Variants in PPHLN1 observed in about 807,000 individuals in gnomAD.
PPHLN1 encodes periphilin 1.
In PPHLN1, 29 loss-of-function variants were observed where a neutral mutation model predicts 51.3. The observed-to-expected ratio is 0.57, with a 90% CI of 0.42 to 0.77. The LOEUF is 0.77. Ranked by LOEUF, PPHLN1 falls within the 30% of genes least tolerant of loss-of-function variation. PPHLN1 has a pLI of 0.00. For synonymous variants in PPHLN1, 147 were observed against 147.8 expected, an observed-to-expected ratio of 0.99 and a Z score of 0.04; for missense variants, 436 against 438.4, an observed-to-expected ratio of 0.99 and a Z score of 0.05.
intron 9 of PPHLN1, among the ~76,000 whole-genome samples, chr12:42,401,528 C>T (rs1422384672): frequency 6.6e-6 from 1 of 151,712 alleles, no homozygotes; most frequent in Admixed American, 6.6e-5. Context: ...GGAGGGAGGA[C>T]AGGGGAGTGA....
chr12:42,441,297 A>C lies in PPHLN1; in HGVS notation c.910-18A>C. The C allele has an allele frequency of 6.3e-7, 1 of 1,590,120 alleles. No individual in the cohort carries two copies. The highest frequency in any genetic ancestry group is 8.6e-7 in the Non-Finnish European group (1 of 1,166,116). ...TTATTTTCATTCTCAGCTAACCAGA[A>C]TGTGTTTTACCTTTTAGGTTTACCG... On this transcript the variant is annotated intron_variant, in intron 9 of 9. Coordinates refer to ENST00000358314, the MANE Select transcript of PPHLN1 (RefSeq NM_201439.2).
intron 4 of PPHLN1, among the ~76,000 whole-genome samples, chr12:42,359,824 T>C (rs577991048): frequency 1.5e-4 from 23 of 152,172 alleles, no homozygotes; most frequent in Admixed American, 5.2e-4. Flanking sequence ...ATTTGAAAAA[T>C]TGACCAGGTG....
chr12:42,329,349 C>T (rs565139666), intron 1 of PPHLN1, among the ~76,000 whole-genome samples: 1 of 152,188 alleles, frequency 6.6e-6, no homozygotes, highest in South Asian at 2.1e-4. Context: ...TCGTGATCCG[C>T]CCCCCTCGGC....
intron 9 of PPHLN1, among the ~76,000 whole-genome samples, chr12:42,421,067 G>A (rs1444562082): frequency 6.6e-6 from 1 of 152,012 alleles, no homozygotes; most frequent in Non-Finnish European, 1.5e-5. Flanking sequence ...GGATCAGTTG[G>A]TTAGGATGAT....
At chr12:42,401,576 G>A (rs1005734352) in intron 9 of PPHLN1, among the ~76,000 whole-genome samples, 1 of 151,894 alleles carries the variant, frequency 6.6e-6, no homozygotes. Context: ...TCAGATCAGT[G>A]GTGGCATTAG....
rs573483193 is a variant in PPHLN1, at chr12:42,368,073, C to A, written c.300-6790C>A. Among the ~76,000 whole-genome samples, 13 of 152,294 alleles carry A rather than the reference C, an allele frequency of 8.5e-5. No individual in the cohort carries two copies. The South Asian group carries it at 2.5e-3, about 29-fold the overall frequency. On this transcript the variant is annotated intron_variant, in intron 4 of 9. Coordinates refer to ENST00000358314, the MANE Select transcript of PPHLN1 (RefSeq NM_201439.2). ...ATTAAATATTAATATTTAAGACTGGCATTGATGTTGAAATTTTCTCTTTTA... is the reference window on the plus strand; with the variant it reads ...ATTAAATATTAATATTTAAGACTGGAATTGATGTTGAAATTTTCTCTTTTA...
intron 2 of PPHLN1, among the ~76,000 whole-genome samples, chr12:42,349,505 T>TA (rs2072885281): frequency 6.6e-6 from 1 of 152,150 alleles, no homozygotes; most frequent in Non-Finnish European, 1.5e-5. Flanking sequence ...GGTCAGCAGA[T>TA]AAACATGTGA....
At chr12:42,386,015 T>A (rs555966967) in intron 6 of PPHLN1, among the ~76,000 whole-genome samples, 1 of 152,342 alleles carries the variant, frequency 6.6e-6, no homozygotes, top group East Asian at 1.9e-4. Context: ...ACAAGAACTT[T>A]TAAAGTTGCT....
At chr12:42,333,280 G>T (rs1305618548) in intron 1 of PPHLN1, among the ~76,000 whole-genome samples, 2 of 152,016 alleles carry the variant, frequency 1.3e-5, no homozygotes, top group Non-Finnish European at 2.9e-5. Context: ...AAATGTAACT[G>T]ATTGGTTCAG....
At chr12:42,420,678 T>TCCCCC in intron 9 of PPHLN1, among the ~76,000 whole-genome samples, 1 of 16,088 alleles carries the variant, frequency 6.2e-5, no homozygotes, top group Admixed American at 6.4e-4. Context: ...CGCCCTCCCC[T>TCCCCC]CCCCTCCCCT....
At chr12:42,373,372 C>T (rs937422222) in intron 4 of PPHLN1, among the ~76,000 whole-genome samples, 3 of 152,158 alleles carry the variant, frequency 2.0e-5, no homozygotes, top group African/African-American at 7.2e-5. Context: ...TGAATTTAAG[C>T]TATTTTCTGC....
intron 9 of PPHLN1, among the ~76,000 whole-genome samples, chr12:42,434,730 G>T (rs755301290): frequency 3.5e-4 from 54 of 152,162 alleles, no homozygotes; most frequent in Admixed American, 3.3e-4. Flanking sequence ...GTCTTGCTCT[G>T]TCTCCTGGGC....
intron 1 of PPHLN1, among the ~76,000 whole-genome samples, chr12:42,331,149 C>T (rs1380633858): frequency 6.6e-5 from 10 of 152,194 alleles, no homozygotes; most frequent in Non-Finnish European, 1.3e-4. Context: ...CTATGTTCAT[C>T]TGAAGTTTGA....
intron 4 of PPHLN1, among the ~76,000 whole-genome samples, chr12:42,366,488 A>G (rs1218614759): frequency 3.9e-5 from 6 of 151,920 alleles, no homozygotes; most frequent in Non-Finnish European, 8.8e-5. Flanking sequence ...TCGGCTCCCA[A>G]AGTGCTGGGA....
intron 6 of PPHLN1, among the ~76,000 whole-genome samples, chr12:42,386,530 C>A (rs928829946): frequency 6.6e-6 from 1 of 152,168 alleles, no homozygotes; most frequent in Admixed American, 6.5e-5. Context: ...TCTGCTTTTG[C>A]TCTTGACTGC....
chr12:42,362,579 C>A (rs145355933), intron 4 of PPHLN1, among the ~76,000 whole-genome samples: 2 of 152,174 alleles, frequency 1.3e-5, no homozygotes, highest in African/African-American at 4.8e-5. Context: ...CCAAGGAGCA[C>A]GGGCCTTCTA....
intron 9 of PPHLN1, chr12:42,400,575 C>T (rs538015354): frequency 1.5e-4 from 23 of 152,142 alleles, no homozygotes; most frequent in African/African-American, 5.1e-4. Flanking sequence ...ATCTCACAGC[C>T]TGTTGCTCAG....
chr12:42,430,164 G>A (rs1478160535), intron 9 of PPHLN1, among the ~76,000 whole-genome samples: 1 of 152,118 alleles, frequency 6.6e-6, no homozygotes, highest in African/African-American at 2.4e-5. Context: ...AGGGACTGAA[G>A]GTTGAGCCGC....
chr12:42,443,783 C>G (rs776807789), downstream of PPHLN1: 1 of 152,212 alleles, frequency 6.6e-6, no homozygotes, highest in Non-Finnish European at 1.5e-5. Context: ...TCCCTTCCCC[C>G]GCAGCAGTTT....
Sources: gnomAD v4.1 joint callset for allele counts (sites outside exome capture counted in the v4.1 genomes callset) on GRCh38, gnomAD v4.1.1 for gene constraint, MANE v1.5 for transcripts, NCBI Gene and HGNC (gene_info 2026-07-23, HGNC 2026-07-21) for gene names.